The following DCC variants were observed in gnomAD, a reference collection of about 807,000 sequenced individuals.
DCC encodes the protein DCC netrin 1 receptor.
DCC carries 58 observed loss-of-function variants against 172.5 expected under a neutral mutation model. The ratio of observed to expected loss-of-function variants is 0.34; its 90% confidence interval spans 0.27 to 0.42. The LOEUF (loss-of-function observed/expected upper bound fraction) is 0.42. Among genes scored for constraint, DCC ranks in the 10% least tolerant of loss-of-function variants. The pLI, the probability that DCC is intolerant of heterozygous loss-of-function variation, is 1.00. For missense variants in DCC, 1,740 were observed against 1,791.0 expected, an observed-to-expected ratio of 0.97 and a Z score of 0.51; for synonymous variants, 709 against 644.5, an observed-to-expected ratio of 1.10 and a Z score of -1.52.
At chr18:52,570,187 C>G (rs545992608) in intron 1 of DCC, among the ~76,000 whole-genome samples, 2 of 152,230 alleles carry the variant, frequency 1.3e-5, no homozygotes, top group African/African-American at 4.8e-5. Flanking sequence ...AACGGCCTGA[C>G]AGGTAGTTTG....
At chr18:52,496,137 G>T (rs2030739321) in intron 1 of DCC, among the ~76,000 whole-genome samples, 1 of 151,984 alleles carries the variant, frequency 6.6e-6, no homozygotes, top group Non-Finnish European at 1.5e-5. Context: ...CCCTATTTTG[G>T]CTTCAGGTAA....
intron 12 of DCC, among the ~76,000 whole-genome samples, chr18:53,251,776 T>C (rs1379297869): frequency 3.3e-5 from 5 of 151,934 alleles, no homozygotes; most frequent in Non-Finnish European, 7.4e-5. Context: ...AGAAATGTGC[T>C]CATTGATGAA....
At chr18:52,819,386 A>G (rs1019943918) in intron 2 of DCC, among the ~76,000 whole-genome samples, 1 of 152,214 alleles carries the variant, frequency 6.6e-6, no homozygotes, top group Admixed American at 6.5e-5. Flanking sequence ...GTTGTCTACA[A>G]CTTCCTGACT....
chr18:52,497,312 TATACACACACAC>T (rs2030824133), intron 1 of DCC, among the ~76,000 whole-genome samples: 1 of 77,112 alleles, frequency 1.3e-5, no homozygotes, highest in African/African-American at 4.7e-5. Context: ...TATATATATA[TATACACACACAC>T]ATATATATAC....
chr18:53,259,038 CT>C (rs770939128), intron 12 of DCC, among the ~76,000 whole-genome samples: 1 of 151,216 alleles, frequency 6.6e-6, no homozygotes, highest in Non-Finnish European at 1.5e-5. Context: ...CAACCCCTGC[CT>C]TTTTTTTGTT....
intron 2 of DCC, among the ~76,000 whole-genome samples, chr18:52,901,541 G>C (rs1307090332): frequency 6.6e-6 from 1 of 152,122 alleles, no homozygotes; most frequent in East Asian, 1.9e-4. Context: ...CTTCCTAAAA[G>C]AGCCATTATG....
At chr18:52,586,549 C>T (rs1414428299) in intron 1 of DCC, among the ~76,000 whole-genome samples, 1 of 152,148 alleles carries the variant, frequency 6.6e-6, no homozygotes, top group Non-Finnish European at 1.5e-5. Flanking sequence ...GTTGTGTCTC[C>T]TGGTGGCAGC....
intron 1 of DCC, among the ~76,000 whole-genome samples, chr18:52,732,715 C>A (rs2036663343): frequency 6.6e-6 from 1 of 152,170 alleles, no homozygotes; most frequent in South Asian, 2.1e-4. Flanking sequence ...CATACTTATT[C>A]TTTGGGCAAA....
intron 5 of DCC, among the ~76,000 whole-genome samples, chr18:52,965,446 GAGA>G (rs2040913732): frequency 6.6e-6 from 1 of 152,088 alleles, no homozygotes; most frequent in South Asian, 2.1e-4. Flanking sequence ...TCTAAGCAAT[GAGA>G]AGGTCATAAT....
intron 1 of DCC, among the ~76,000 whole-genome samples, chr18:52,383,894 G>A (rs148880610): frequency 1.3e-5 from 2 of 152,098 alleles, no homozygotes; most frequent in Non-Finnish European, 2.9e-5. Context: ...AGCTGGAACA[G>A]CACCAACTCA....
At chr18:53,382,069 AACACACACAC>A (rs61553123) in intron 15 of DCC, among the ~76,000 whole-genome samples, 9 of 122,948 alleles carry the variant, frequency 7.3e-5, no homozygotes, top group South Asian at 2.6e-4. Flanking sequence ...GATTAAAAAC[AACACACACAC>A]ACACACACAC....
chr18:53,301,895 AG>A (rs2144774559), intron 12 of DCC, among the ~76,000 whole-genome samples: 1 of 152,296 alleles, frequency 6.6e-6, no homozygotes, highest in South Asian at 2.1e-4. Flanking sequence ...CTGGTATTCT[AG>A]GGCTGCCATA....
At chr18:53,344,114 A>T (rs1242005397) in intron 15 of DCC, among the ~76,000 whole-genome samples, 2 of 151,646 alleles carry the variant, frequency 1.3e-5, no homozygotes, top group African/African-American at 4.8e-5. Flanking sequence ...TATCTATTTT[A>T]TTTCTTTCAT....
At chr18:53,261,702 G>A (rs543820057) in intron 12 of DCC, among the ~76,000 whole-genome samples, 14 of 152,066 alleles carry the variant, frequency 9.2e-5, no homozygotes, top group Non-Finnish European at 1.9e-4. Flanking sequence ...TAGTAGAGAT[G>A]GGGTTTCACC....
At chr18:53,274,404 A>G (rs2056782800) in intron 12 of DCC, among the ~76,000 whole-genome samples, 1 of 152,148 alleles carries the variant, frequency 6.6e-6, no homozygotes, top group Admixed American at 6.6e-5. Context: ...CAACTTTGCT[A>G]TGTAAGCAGG....
At chr18:53,191,944 C>T (rs17487256) in intron 9 of DCC, among the ~76,000 whole-genome samples, 44,221 of 152,110 alleles carry the variant, frequency 0.29, 7,952 homozygotes, top group Non-Finnish European at 0.41. Context: ...AGTCATTCTC[C>T]AGCTTCTGTG....
At chr18:53,211,235 C>G (rs1334344990) in intron 11 of DCC, among the ~76,000 whole-genome samples, 15 of 152,074 alleles carry the variant, frequency 9.9e-5, no homozygotes, top group African/African-American at 3.4e-4. Flanking sequence ...TTGCCTTTAC[C>G]TTTCATCCTC....
chr18:52,869,797 A>G (rs2039288472), intron 2 of DCC, among the ~76,000 whole-genome samples: 1 of 152,170 alleles, frequency 6.6e-6, no homozygotes, highest in East Asian at 1.9e-4. Flanking sequence ...GCTTGGCCCC[A>G]ACCCTGTTCC....
At chr18:52,639,354 A>G (rs1386121474) in intron 1 of DCC, among the ~76,000 whole-genome samples, 1 of 152,038 alleles carries the variant, frequency 6.6e-6, no homozygotes, top group African/African-American at 2.4e-5. Context: ...ACAAACAAAA[A>G]ATAAATGAAA....
Sources: gnomAD v4.1 joint callset for allele counts (sites outside exome capture counted in the v4.1 genomes callset) on GRCh38, gnomAD v4.1.1 for gene constraint, MANE v1.5 for transcripts, NCBI Gene and HGNC (gene_info 2026-07-23, HGNC 2026-07-21) for gene names.